Variants in KALRN observed in about 807,000 individuals in gnomAD.
The protein encoded by KALRN is kalirin RhoGEF kinase, also known as kalirin.
Under a neutral mutation model 353.7 loss-of-function variants are expected in KALRN, and 70 were observed. The observed-to-expected ratio is 0.20, with a 90% confidence interval of 0.16 to 0.24. The LOEUF is 0.24. KALRN is among the 10% of genes least tolerant of loss of function. The pLI, the probability that KALRN is intolerant of heterozygous loss-of-function variation, is 1.00. For missense variants in KALRN, 2,791 were observed against 3,756.7 expected, an observed-to-expected ratio of 0.74 and a Z score of 6.72; for synonymous variants, 1,391 against 1,434.8, an observed-to-expected ratio of 0.97 and a Z score of 0.69.
chr3:124,420,890 A>T (rs1161474263), intron 14 of KALRN, among the ~76,000 whole-genome samples: 2 of 152,114 alleles, frequency 1.3e-5, no homozygotes, highest in Non-Finnish European at 2.9e-5. Context: ...TGTGAGTTAG[A>T]GTGAGGGGGA....
chr3:124,562,038 A>G (rs2072102568), intron 33 of KALRN, among the ~76,000 whole-genome samples: 1 of 152,178 alleles, frequency 6.6e-6, no homozygotes, highest in East Asian at 1.9e-4. Context: ...GGATCAGTGA[A>G]TTAGGAAGAT....
chr3:124,530,386 T>C (rs1488185426), intron 33 of KALRN, among the ~76,000 whole-genome samples: 32 of 152,098 alleles, frequency 2.1e-4, no homozygotes. Flanking sequence ...AGTCATTTGA[T>C]GTAATGGCAG....
chr3:124,086,281 T>G (rs1273154063), intron 1 of KALRN, among the ~76,000 whole-genome samples: 1 of 151,476 alleles, frequency 6.6e-6, no homozygotes, highest in African/African-American at 2.4e-5. Context: ...TTATATCAAT[T>G]TAGTCTCCTA....
chr3:124,378,774 T>C (rs186219809), intron 10 of KALRN, among the ~76,000 whole-genome samples: 1 of 152,198 alleles, frequency 6.6e-6, no homozygotes, highest in East Asian at 1.9e-4. Context: ...ATAACAAGTC[T>C]GCTATCATCC....
At chr3:124,696,600 CA>C (rs2062065228) in intron 54 of KALRN, among the ~76,000 whole-genome samples, 1 of 152,130 alleles carries the variant, frequency 6.6e-6, no homozygotes, top group Non-Finnish European at 1.5e-5. Flanking sequence ...AGGCTGGTCT[CA>C]AACTCCAAGG....
At chr3:124,632,833 C>A in intron 35 of KALRN, 130 bp downstream of exon 35, 1 of 896,314 alleles carries the variant, frequency 1.1e-6, no homozygotes, top group Non-Finnish European at 1.7e-6. Flanking sequence ...GATTTGGATT[C>A]TTTTTATTCT....
At chr3:124,301,060 G>T (rs188368253) in intron 6 of KALRN, among the ~76,000 whole-genome samples, 2 of 152,230 alleles carry the variant, frequency 1.3e-5, no homozygotes, top group East Asian at 1.9e-4. Flanking sequence ...CCAACAGCCT[G>T]GCCCTAAGGC....
Position 124,642,324 on chromosome 3 carries a change from T to G in KALRN, c.5664+5021T>G, listed in dbSNP as rs558764488. ...ATTAAAAGAGAGAGAGAGAGAGAGA[T>G]AGAAAAGAAAAGAAAGCCCCTTTCT... On this transcript the variant is annotated intron_variant, in intron 37 of 59. Transcript: ENST00000682506. 2.1e-3 allele frequency among the ~76,000 whole-genome samples: 310 copies of G among 145,514 alleles called. 1 individual carries two copies. The highest frequency in any genetic ancestry group is 7.3e-3 in the African/African-American group (287 of 39,134).
At chr3:124,660,257 A>C (rs988265451) in intron 43 of KALRN, among the ~76,000 whole-genome samples, 7 of 152,302 alleles carry the variant, frequency 4.6e-5, no homozygotes, top group African/African-American at 1.7e-4. Context: ...ACAATGGCTT[A>C]ACTTGATTCA....
intron 3 of KALRN, among the ~76,000 whole-genome samples, chr3:124,253,646 A>T (rs1005661986): frequency 6.6e-6 from 1 of 152,214 alleles, no homozygotes; most frequent in African/African-American, 2.4e-5. Flanking sequence ...CTCAGTGACC[A>T]GGCTAGCTCT....
chr3:124,241,582 A>T (rs1160972019), intron 3 of KALRN, among the ~76,000 whole-genome samples: 2 of 152,232 alleles, frequency 1.3e-5, no homozygotes, highest in African/African-American at 4.8e-5. Flanking sequence ...CAATTTATTA[A>T]TTATTGGTAT....
intron 34 of KALRN, among the ~76,000 whole-genome samples, chr3:124,606,979 A>G (rs900409496): frequency 1.3e-5 from 2 of 152,272 alleles, no homozygotes; most frequent in African/African-American, 2.4e-5. Flanking sequence ...TCATGGGAAC[A>G]TAAATTGATT....
chr3:124,349,064 G>A (rs1249250026), intron 10 of KALRN, among the ~76,000 whole-genome samples: 1 of 152,150 alleles, frequency 6.6e-6, no homozygotes, highest in African/African-American at 2.4e-5. Flanking sequence ...TTCAAAAGGT[G>A]GAAGCAACTC....
At chr3:124,079,608 A>G (rs1311444442) in intron 1 of KALRN, among the ~76,000 whole-genome samples, 1 of 152,218 alleles carries the variant, frequency 6.6e-6, no homozygotes, top group Admixed American at 6.5e-5. Context: ...TTCTGCAGTC[A>G]AAATATGGAA....
intron 1 of KALRN, among the ~76,000 whole-genome samples, chr3:124,223,536 G>A (rs1040172392): frequency 6.6e-6 from 1 of 152,186 alleles, no homozygotes; most frequent in African/African-American, 2.4e-5. Flanking sequence ...GCACATTAAA[G>A]GGGTGTGACT....
chr3:124,341,635 C>A (rs1302530229), intron 9 of KALRN, among the ~76,000 whole-genome samples: 1 of 151,700 alleles, frequency 6.6e-6, no homozygotes, highest in Admixed American at 6.6e-5. Context: ...ATGTTCACTC[C>A]AAAGTTCTGC....
intron 3 of KALRN, among the ~76,000 whole-genome samples, chr3:124,238,331 G>C (rs927757186): frequency 6.6e-6 from 1 of 152,178 alleles, no homozygotes; most frequent in Non-Finnish European, 1.5e-5. Context: ...ACGGGTGGAC[G>C]TTAGAATCAG....
chr3:124,421,963 A>C (rs2092801978), intron 14 of KALRN, among the ~76,000 whole-genome samples: 1 of 152,204 alleles, frequency 6.6e-6, no homozygotes, highest in South Asian at 2.1e-4. Context: ...TGTAGGTCAG[A>C]TGGTTGACAG....
chr3:124,367,668 G>A (rs1476513861), intron 10 of KALRN, among the ~76,000 whole-genome samples: 2 of 19,826 alleles, frequency 1.0e-4, no homozygotes, highest in African/African-American at 1.5e-4. Context: ...CTCCCGGACG[G>A]GGTGGCTGGC....
Sources: gnomAD v4.1 joint callset for allele counts (sites outside exome capture counted in the v4.1 genomes callset) on GRCh38, gnomAD v4.1.1 for gene constraint, MANE v1.5 for transcripts, NCBI Gene and HGNC (gene_info 2026-07-23, HGNC 2026-07-21) for gene names.